The following INO80 variants were observed in gnomAD, a reference collection of about 807,000 sequenced individuals.
INO80 encodes the protein chromatin-remodeling ATPase INO80.
Under a neutral mutation model 203.4 loss-of-function variants are expected in INO80, and 20 were observed. That is an observed-to-expected ratio of 0.10 (90% CI 0.07 to 0.14). The LOEUF (loss-of-function observed/expected upper bound fraction) is 0.14. Among genes scored for constraint, INO80 ranks in the 10% least tolerant of loss-of-function variants. The pLI, the probability that INO80 is intolerant of heterozygous loss-of-function variation, is 1.00. For synonymous variants in INO80, 726 were observed against 685.2 expected, an observed-to-expected ratio of 1.06 and a Z score of -0.93; for missense variants, 1,419 against 1,914.4, an observed-to-expected ratio of 0.74 and a Z score of 4.83.
intron 25 of INO80, among the ~76,000 whole-genome samples, chr15:41,022,667 G>T (rs922771370): frequency 6.6e-6 from 1 of 152,184 alleles, no homozygotes; most frequent in African/African-American, 2.4e-5. Context: ...GTTTGCTAGG[G>T]AGCAGTGCCA....
At position 41,054,031 on chromosome 15, in the gene INO80, C is replaced by A. The variant is rs1305079734; in HGVS notation, c.2189-17G>T. ...AAAGTTGATCTGAAATGCCGGGAGG[C>A]CCCCAAATAATACATTATAGTGATT... On this transcript the variant is annotated splice_polypyrimidine_tract_variant and intron_variant, in intron 18 of 35. Coordinates refer to ENST00000648947, the MANE Select transcript of INO80 (RefSeq NM_017553.3). 3 of 1,600,446 alleles carry A rather than the reference C, an allele frequency of 1.9e-6. No individual in the cohort carries two copies. Among genetic ancestry groups the A allele is most frequent in the Non-Finnish European group, 2.6e-6 (3 of 1,168,330 alleles).
At chr15:40,985,228 G>A in intron 32 of INO80, 110 bp downstream of exon 32, 1 of 759,850 alleles carries the variant, frequency 1.3e-6, no homozygotes, top group Non-Finnish European at 2.3e-6. Flanking sequence ...TACACAGCTG[G>A]AGCTTGATAG....
intron 24 of INO80, 54 bp downstream of exon 24, chr15:41,044,850 A>G: frequency 6.7e-7 from 1 of 1,501,912 alleles, no homozygotes; most frequent in Non-Finnish European, 8.9e-7. Flanking sequence ...TACTTATTCA[A>G]GGAAAAGGAA....
intron 18 of INO80, 76 bp from the exon 19 acceptor site, chr15:41,054,090 C>A: frequency 1.7e-6 from 2 of 1,152,016 alleles, no homozygotes; most frequent in Middle Eastern, 2.0e-4. Flanking sequence ...ACCACATTCA[C>A]CTCTCACCAA....
At chr15:40,982,698 A>AG (rs1450815077) in intron 35 of INO80, among the ~76,000 whole-genome samples, 164 bp downstream of exon 35, 1 of 152,220 alleles carries the variant, frequency 6.6e-6, no homozygotes, top group East Asian at 1.9e-4. Context: ...CAGGAGGGCA[A>AG]GGGGTGAGTC....
chr15:41,104,662 C>T (rs892177898), intron 1 of INO80, among the ~76,000 whole-genome samples: 5 of 151,960 alleles, frequency 3.3e-5, no homozygotes, highest in African/African-American at 1.2e-4. Flanking sequence ...CTCAGTCTTC[C>T]GAGTAGCTGG....
chr15:41,052,674 CAAA>C (rs60685375), intron 19 of INO80, among the ~76,000 whole-genome samples: 31 of 107,212 alleles, frequency 2.9e-4, no homozygotes, highest in African/African-American at 1.0e-3. Flanking sequence ...CCTTGTCTTA[CAAA>C]AAAAAAAAAA....
In INO80 at chr15:41,070,550, G is replaced by A. The variant is rs2045293078; in HGVS notation, c.1606-3C>T. Reference sequence around the variant, plus strand: ...TCAGCAAGAATGCCATTAATACCCTGGGGAAAAAAAATACATGGTCAACAC... The same window carrying A: ...TCAGCAAGAATGCCATTAATACCCTAGGGAAAAAAAATACATGGTCAACAC... On this transcript the variant is annotated splice_region_variant and splice_polypyrimidine_tract_variant and intron_variant, in intron 12 of 35. Coordinates refer to ENST00000648947, the MANE Select transcript of INO80 (RefSeq NM_017553.3). The A allele has an allele frequency of 6.2e-7, 1 of 1,611,920 alleles. No homozygotes were observed. Among genetic ancestry groups the A allele is most frequent in the Admixed American group, 1.7e-5 (1 of 59,884 alleles).
chr15:41,008,480 G>GA (rs951920635), intron 27 of INO80, among the ~76,000 whole-genome samples: 3 of 152,034 alleles, frequency 2.0e-5, no homozygotes, highest in Non-Finnish European at 4.4e-5. Flanking sequence ...TATGCAAAAT[G>GA]AAAAAATCCT....
chr15:41,058,575 G>GCA (rs2045042145), intron 16 of INO80, 64 bp downstream of exon 16: 13 of 1,030,416 alleles, frequency 1.3e-5, no homozygotes, highest in South Asian at 6.9e-5. Context: ...GTGTGCGTGT[G>GCA]TGTGTGTGTG....
chr15:41,082,016 G>A (rs1315135026), intron 7 of INO80, among the ~76,000 whole-genome samples: 10 of 151,970 alleles, frequency 6.6e-5, no homozygotes, highest in African/African-American at 2.4e-4. Flanking sequence ...TTGGGAGGCC[G>A]AGGCGGGTGG....
chr15:41,017,973 C>T (rs2044235903), intron 26 of INO80: 1 of 152,270 alleles, frequency 6.6e-6, no homozygotes, highest in Non-Finnish European at 1.5e-5. Context: ...GCTTTCATAA[C>T]AACTTTTAAG....
Position 41,096,265 on chromosome 15 carries a change from G to A in INO80, c.46C>T (p.Leu16=), listed in dbSNP as rs755496508. The part of the protein sequence containing the change: ...GARDDGGCTE[L]AKPLYLQYLE... ...TACTGAAGATAGAGGGGCTTTGCCA[G>A]CTCAGTGCAGCCTCCATCATCCCTG... is the stretch of plus-strand genomic sequence containing the variant. Residue 16 remains leucine (L), a synonymous_variant, in exon 2 of 36, where the codon CTG becomes TTG. Transcript: ENST00000648947. 1 of 1,611,270 alleles carries A rather than the reference G, an allele frequency of 6.2e-7. No homozygotes were observed. Among genetic ancestry groups the A allele is most frequent in the Non-Finnish European group, 8.5e-7 (1 of 1,179,360 alleles).
intron 28 of INO80, among the ~76,000 whole-genome samples, chr15:41,000,198 A>G (rs932299106): frequency 1.7e-4 from 26 of 152,264 alleles, no homozygotes; most frequent in African/African-American, 6.3e-4. Context: ...GCAAGGAATC[A>G]AAGGCTCCTC....
chr15:41,006,303 C>A lies in INO80; in HGVS notation c.3403-616G>T, dbSNP rs186463411. On this transcript the variant is annotated intron_variant, in intron 27 of 35. Coordinates refer to ENST00000648947, the MANE Select transcript of INO80 (RefSeq NM_017553.3). ...TCCAAAAGATACAATAGAGAGACTG[C>A]CTCTCCATTCTTAGAAATTGCAATT... Among the ~76,000 whole-genome samples, 91 of 152,282 alleles carry A rather than the reference C, an allele frequency of 6.0e-4. No individual in the cohort carries two copies. The East Asian group carries it at 0.017, about 29-fold the overall frequency.
intron 28 of INO80, chr15:41,004,933 C>A (rs891150100): frequency 7.2e-5 from 11 of 152,028 alleles, no homozygotes; most frequent in African/African-American, 2.7e-4. Context: ...ACTGGTTCAT[C>A]CCTATAATCC....
intron 21 of INO80, 131 bp from the exon 22 acceptor site, chr15:41,048,407 A>AT: frequency 1.5e-6 from 1 of 661,510 alleles, no homozygotes; most frequent in South Asian, 1.9e-5. Flanking sequence ...GTTTCTTGCC[A>AT]TATTACCAGG....
chr15:41,114,507 G>A (rs1447720117), intron 1 of INO80, among the ~76,000 whole-genome samples: 2 of 151,858 alleles, frequency 1.3e-5, no homozygotes, highest in Non-Finnish European at 2.9e-5. Context: ...TCAGGAGTTC[G>A]AGACCGGCCT....
chr15:41,036,175 A>AC (rs1241391153), intron 24 of INO80, among the ~76,000 whole-genome samples: 1 of 148,054 alleles, frequency 6.8e-6, no homozygotes, highest in African/African-American at 2.6e-5. Flanking sequence ...AAAAAAAAAA[A>AC]AAAAAAAAAA....
Sources: allele counts gnomAD v4.1 joint callset (sites outside exome capture counted in the v4.1 genomes callset), GRCh38; gene constraint gnomAD v4.1.1; transcripts MANE v1.5; gene names NCBI Gene and HGNC (gene_info 2026-07-23, HGNC 2026-07-21).